Variants in ZNF473 observed in about 807,000 individuals in gnomAD.
The protein encoded by ZNF473 is zinc finger protein 473.
A neutral mutation model predicts 11.1 loss-of-function variants in ZNF473; 4 were observed. The ratio of observed to expected loss-of-function variants is 0.36; its 90% CI spans 0.18 to 0.82. The LOEUF (loss-of-function observed/expected upper bound fraction) is 0.82, where lower values mean the gene tolerates loss of function less well. Ranked by LOEUF, ZNF473 falls within the 40% of genes least tolerant of loss-of-function variation. The probability of loss-of-function intolerance (pLI) is 0.49; values close to 1 mark genes in which losing one functional copy is unlikely to be tolerated. For missense variants in ZNF473, 854 were observed against 1,084.0 expected (o/e 0.79, Z 2.98); for synonymous variants, 404 against 390.4 (o/e 1.03, Z -0.41).
At position 50,041,907 on chromosome 19, in the gene ZNF473, C is replaced by T. The variant is rs183322090; in HGVS notation, c.226+88C>T. 355 of 1,050,550 alleles carry T rather than the reference C, an allele frequency of 3.4e-4. 2 individuals are homozygous for T. In the African/African-American group the frequency reaches 4.5e-3, roughly 13 times the overall value. The allele number at this position is 1,050,550 out of a possible 1,614,324, so 65.1% of individuals were successfully genotyped here. On this transcript the variant is annotated intron_variant, in intron 4 of 4. Coordinates refer to ENST00000270617, the MANE Select transcript of ZNF473 (RefSeq NM_015428.4). Reference sequence around the variant, plus strand: ...GCAGCCAGCTTTCCCACAGGTCTACCGAGACATTACAACGCTCAGCTTCAG... The same window carrying T: ...GCAGCCAGCTTTCCCACAGGTCTACTGAGACATTACAACGCTCAGCTTCAG...
In ZNF473 at chr19:50,046,221, G is replaced by T; in HGVS notation, c.1778G>T (p.Cys593Phe). ...ACCAGGGGAGTGAAGCCCTTTGAATGTGACCAGTGTGGGAAAGCCTTTGGC... is the reference window on the plus strand; with the variant it reads ...ACCAGGGGAGTGAAGCCCTTTGAATTTGACCAGTGTGGGAAAGCCTTTGGC... ...IHTRGVKPFE[C>F]DQCGKAFGQS... is the part of the protein sequence containing the mutation. The change falls in exon 5 of 5, where the codon TGT (cysteine) becomes TTT (phenylalanine). Residue 593 changes from cysteine (C) to phenylalanine (F), a missense_variant. Around this residue, in one of 2 missense-constraint regions of ZNF473, gnomAD observed 668 missense variants for 790.2 expected, o/e 0.85. Coordinates refer to ENST00000270617, the MANE Select transcript of ZNF473 (RefSeq NM_015428.4). This position sits in a 1 kb window ranked among gnomAD's most constrained non-coding sequence, Gnocchi z 5.9. The T allele has an allele frequency of 6.2e-7, 1 of 1,614,168 alleles. No individual in the cohort carries two copies.
chr19:50,035,688 T>C (rs1267121302), intron 2 of ZNF473, among the ~76,000 whole-genome samples: 1 of 152,168 alleles, frequency 6.6e-6, no homozygotes, highest in East Asian at 1.9e-4. Context: ...AGCTTCTTAG[T>C]GAGTTGGGTC....
chr19:50,034,779 G>T (rs535846273), intron 2 of ZNF473, among the ~76,000 whole-genome samples: 2 of 152,234 alleles, frequency 1.3e-5, no homozygotes, highest in African/African-American at 4.8e-5. Context: ...TGTTTTCTCT[G>T]GTTCCATCCT....
Position 50,046,813 on chromosome 19 carries a change from A to G in ZNF473, c.2370A>G (p.Glu790=), listed in dbSNP as rs780012778. ...HTGEKPYRCG[E]CGKAFAQKAN... is the part of the protein sequence containing the mutation. ...GGGAGAAGCCCTACAGATGTGGTGA[A>G]TGTGGGAAAGCCTTTGCCCAGAAAG... Residue 790 remains glutamate, a synonymous_variant, in exon 5 of 5, where the codon GAA becomes GAG. Transcript: ENST00000270617. The surrounding 1 kb of genome is among the most constrained non-coding windows in gnomAD (Gnocchi z 5.9). 6.2e-7 allele frequency: 1 copy of G among 1,614,102 alleles called. No individual in the cohort carries two copies. The highest frequency in any genetic ancestry group is 8.5e-7 in the Non-Finnish European group (1 of 1,179,964).
intron 2 of ZNF473, among the ~76,000 whole-genome samples, chr19:50,037,654 C>G (rs1978523857): frequency 7.3e-6 from 1 of 137,476 alleles, no homozygotes; most frequent in Non-Finnish European, 1.5e-5. Context: ...GACTCCTACT[C>G]TACCAAAAAA....
At position 50,030,753 on chromosome 19, in the gene ZNF473, C is replaced by T; in HGVS notation, c.-191-139C>T. On this transcript the variant is annotated intron_variant, in intron 1 of 4. Coordinates refer to ENST00000270617, the MANE Select transcript of ZNF473 (RefSeq NM_015428.4). ...TGGCCATAGACTTTCATCACCAAAT[C>T]TCCTAAACATGTGCTGACTGACTGT... 9.3e-6 allele frequency: 4 copies of T among 430,912 alleles called. No homozygotes were observed. In the South Asian group the frequency reaches 9.6e-5, roughly 10 times the overall value. 26.7% of individuals were successfully genotyped at this position (430,912 alleles called of 1,614,324 possible).
At position 50,045,573 on chromosome 19, in the gene ZNF473, G is replaced by T. The variant is rs757287782; in HGVS notation, c.1130G>T (p.Cys377Phe). ...KTHAAKTTSECQECGKIFRHS... is the reference protein window; with the variant it reads ...KTHAAKTTSEFQECGKIFRHS... ...CACGCTGCAAAAACTACCTCTGAGT[G>T]TCAGGAGTGTGGGAAGATTTTTAGG... Residue 377 changes from cysteine to phenylalanine, a missense_variant, in exon 5 of 5, where the codon TGT (cysteine) becomes TTT (phenylalanine). Cys to Phe is a radical substitution (Grantham distance 205). Coordinates refer to ENST00000270617, the MANE Select transcript of ZNF473 (RefSeq NM_015428.4). 1.2e-6 allele frequency: 2 copies of T among 1,614,098 alleles called. No individual in the cohort carries two copies. The highest frequency in any genetic ancestry group is 2.7e-5 in the African/African-American group (2 of 74,922).
chr19:50,041,720 C>G lies in ZNF473; in HGVS notation c.137-10C>G, dbSNP rs768357106. 1.9e-6 allele frequency: 3 copies of G among 1,595,464 alleles called. No homozygotes were observed. Among genetic ancestry groups the G allele is most frequent in the Non-Finnish European group, 2.6e-6 (3 of 1,172,980 alleles). On this transcript the variant is annotated splice_polypyrimidine_tract_variant and intron_variant, in intron 3 of 4. Transcript: ENST00000270617. Reference sequence around the variant, plus strand: ...CCTGGTTGGGTGACAATGCTTTTCTCTCCCTGCAGACCCCCCAAGACCCAA... The same window carrying G: ...CCTGGTTGGGTGACAATGCTTTTCTGTCCCTGCAGACCCCCCAAGACCCAA...
In ZNF473 at chr19:50,047,037, A is replaced by G; in HGVS notation, c.2594A>G (p.Asn865Ser). Reference sequence around the variant, plus strand: ...CTCAGCCGCCATCAGCGTGTACACAACAAGCAGCAATACTGCCTGTAGCCA... The same window carrying G: ...CTCAGCCGCCATCAGCGTGTACACAGCAAGCAGCAATACTGCCTGTAGCCA... Reference protein sequence around the residue: ...SSLSRHQRVHNKQQYCL With the variant: ...SSLSRHQRVHSKQQYCL Residue 865 changes from asparagine (N) to serine (S), a missense_variant, in exon 5 of 5, where the codon AAC becomes AGC. This residue lies in a region of ZNF473 where 186 missense variants were observed against 293.8 expected (regional missense o/e 0.63). Transcript: ENST00000270617. 1 of 1,612,852 alleles carries G rather than the reference A, an allele frequency of 6.2e-7. No homozygotes were observed. Among genetic ancestry groups the G allele is most frequent in the Non-Finnish European group, 8.5e-7 (1 of 1,179,378 alleles).
chr19:50,042,789 G>A (rs1368918790), intron 4 of ZNF473: 2 of 152,216 alleles, frequency 1.3e-5, no homozygotes, highest in Non-Finnish European at 2.9e-5. Flanking sequence ...TGGCATATAA[G>A]GGGTGCCTAT....
chr19:50,026,110 C>T lies in ZNF473; in HGVS notation c.-204C>T, dbSNP rs2077271410. Reference sequence around the variant, plus strand: ...GGGTTGCGTCTGTTGACGCGGCCGACTACAATCCCGAGGTACGGAGACGCT... The same window carrying T: ...GGGTTGCGTCTGTTGACGCGGCCGATTACAATCCCGAGGTACGGAGACGCT... On this transcript the variant is annotated 5_prime_UTR_variant, in exon 1 of 5. Transcript: ENST00000270617. 1 of 152,706 alleles carries T rather than the reference C, an allele frequency of 6.5e-6. No homozygotes were observed. The highest frequency in any genetic ancestry group is 2.4e-5 in the African/African-American group (1 of 41,472). The allele number at this position is 152,706 out of a possible 1,614,324, so 9.5% of individuals were successfully genotyped here. A position where few individuals can be genotyped will look rare whatever the true frequency, so the allele number is the denominator to read the frequency against.
chr19:50,044,586 G>A, intron 4 of ZNF473, 84 bp from the exon 5 acceptor site: 1 of 1,149,234 alleles, frequency 8.7e-7, no homozygotes, highest in Non-Finnish European at 1.3e-6. Context: ...TGGATAGGCT[G>A]GACTCAAGAT....
At chr19:50,035,214 C>T (rs1427831900) in intron 2 of ZNF473, among the ~76,000 whole-genome samples, 1 of 151,936 alleles carries the variant, frequency 6.6e-6, no homozygotes, top group Non-Finnish European at 1.5e-5. Context: ...ATCACAGGAG[C>T]CCAAGAAGGT....
In ZNF473 at chr19:50,048,349, T is replaced by A. The variant is rs1315235839; in HGVS notation, c.*1290T>A. The A allele has an allele frequency of 6.6e-6, 1 of 152,252 alleles. No homozygotes were observed. The highest frequency in any genetic ancestry group is 1.5e-5 in the Non-Finnish European group (1 of 68,044). 9.4% of individuals were successfully genotyped at this position (152,252 alleles called of 1,614,324 possible). A position where few individuals can be genotyped will look rare whatever the true frequency, so the allele number is the denominator to read the frequency against. On this transcript the variant is annotated 3_prime_UTR_variant, in exon 5 of 5. Coordinates refer to ENST00000270617, the MANE Select transcript of ZNF473 (RefSeq NM_015428.4). Reference sequence around the variant, plus strand: ...TATGAAAAGCACTGGACACATACTTTGAATACCTTTCATATTTTAGGTGCT... The same window carrying A: ...TATGAAAAGCACTGGACACATACTTAGAATACCTTTCATATTTTAGGTGCT...
rs192430720 is a variant in ZNF473 at position 50,026,745 on chromosome 19, G to T, written c.-192+623G>T. On this transcript the variant is annotated intron_variant, in intron 1 of 4. Coordinates refer to ENST00000270617, the MANE Select transcript of ZNF473 (RefSeq NM_015428.4). Reference sequence around the variant, plus strand: ...ATTCCTAGCTAATTGGGAGGCCGAGGTGGGAGGATTGCTTGAACCCAGGAG... The same window carrying T: ...ATTCCTAGCTAATTGGGAGGCCGAGTTGGGAGGATTGCTTGAACCCAGGAG... 4.9e-4 allele frequency among the ~76,000 whole-genome samples: 75 copies of T among 152,160 alleles called. 1 individual carries two copies. Among genetic ancestry groups the T allele is most frequent in the African/African-American group, 1.7e-3 (71 of 41,508 alleles).
At chr19:50,037,034 T>C (rs1317599998) in intron 2 of ZNF473, among the ~76,000 whole-genome samples, 1 of 152,224 alleles carries the variant, frequency 6.6e-6, no homozygotes, top group African/African-American at 2.4e-5. Context: ...AGTGACTCAC[T>C]GCACCTAAAG....
intron 2 of ZNF473, among the ~76,000 whole-genome samples, chr19:50,037,316 C>T (rs1239681852): frequency 6.6e-6 from 1 of 152,126 alleles, no homozygotes; most frequent in Non-Finnish European, 1.5e-5. Flanking sequence ...TGCCAATAGT[C>T]ACTCATAAAG....
At chr19:50,037,482 G>A (rs1021034314) in intron 2 of ZNF473, among the ~76,000 whole-genome samples, 4 of 152,060 alleles carry the variant, frequency 2.6e-5, no homozygotes, top group South Asian at 2.1e-4. Context: ...AGGCTTTCAC[G>A]TTTTAATGTT....
chr19:50,036,518 G>T (rs1280274466), intron 2 of ZNF473, among the ~76,000 whole-genome samples: 4 of 150,418 alleles, frequency 2.7e-5, no homozygotes, highest in African/African-American at 9.8e-5. Context: ...TAGAGGCGGG[G>T]TTTCACTGTG....
Sources: gnomAD v4.1 joint callset for allele counts (sites outside exome capture counted in the v4.1 genomes callset) on GRCh38, gnomAD v4.1.1 for gene constraint, gnomAD v4.1.1 regional missense constraint, Gnocchi (gnomAD v3.1) non-coding constraint, MANE v1.5 for transcripts, NCBI Gene and HGNC (gene_info 2026-07-23, HGNC 2026-07-21) for gene names.